ERAP1: variants seen among roughly 807,000 people sequenced by gnomAD.
ERAP1 encodes endoplasmic reticulum aminopeptidase 1.
A neutral mutation model predicts 103.7 loss-of-function variants in ERAP1; 86 were observed. The observed-to-expected ratio is 0.83, with a 90% CI of 0.70 to 0.99. The LOEUF (loss-of-function observed/expected upper bound fraction) is 0.99. Among genes scored for constraint, ERAP1 ranks in the 50% least tolerant of loss-of-function variants. ERAP1 has a pLI of 0.00. For synonymous variants in ERAP1, 398 were observed against 402.4 expected, an observed-to-expected ratio of 0.99 and a Z score of 0.13; for missense variants, 1,009 against 1,128.4, an observed-to-expected ratio of 0.89 and a Z score of 1.52.
At chr5:96,900,764 C>T in the ERAP1 span, among the ~76,000 whole-genome samples, 24 of 152,316 alleles carry the variant, frequency 1.6e-4, no homozygotes, top group South Asian at 3.9e-3. Flanking sequence ...GCAACCTCCA[C>T]CTCTCTGGTT....
At chr5:96,909,926 T>A in the ERAP1 span, 1 of 632,240 alleles carries the variant, frequency 1.6e-6, no homozygotes, top group Non-Finnish European at 2.7e-6. Flanking sequence ...AAGTGCTATG[T>A]ATGGAGACTA....
chr5:96,887,073 G>GTGTATA, the ERAP1 span, among the ~76,000 whole-genome samples: 29 of 87,162 alleles, frequency 3.3e-4, no homozygotes, highest in African/African-American at 1.2e-3. Flanking sequence ...AATTTTCAAA[G>GTGTATA]TATATATATA....
the ERAP1 span, among the ~76,000 whole-genome samples, chr5:96,835,608 A>G: frequency 6.6e-6 from 1 of 152,172 alleles, no homozygotes; most frequent in African/African-American, 2.4e-5. Context: ...TAATACCTCT[A>G]TGTGTTTGAT....
At chr5:96,874,122 G>C in the ERAP1 span, among the ~76,000 whole-genome samples, 1 of 113,554 alleles carries the variant, frequency 8.8e-6, no homozygotes. Context: ...AGGAAGGAAA[G>C]AAAGAAAGAG....
the ERAP1 span, among the ~76,000 whole-genome samples, chr5:96,851,370 G>A: frequency 6.6e-6 from 1 of 152,148 alleles, no homozygotes; most frequent in African/African-American, 2.4e-5. Context: ...GATGAGCAGA[G>A]ACATCACAAT....
At chr5:96,933,515 C>T in the ERAP1 span, among the ~76,000 whole-genome samples, 2 of 152,016 alleles carry the variant, frequency 1.3e-5, no homozygotes, top group Non-Finnish European at 2.9e-5. Context: ...GTCTCTTTGT[C>T]AAAGAAATCT....
At chr5:96,768,408 G>T in intron 19 of ERAP1, 1 of 456,634 alleles carries the variant, frequency 2.2e-6, no homozygotes, top group South Asian at 1.6e-5. Flanking sequence ...ACTGTAGAAT[G>T]AATCAAACGA....
In ERAP1 at chr5:96,797,500, A is replaced by C. The variant is rs1777476247; in HGVS notation, c.664-191T>G. On this transcript the variant is annotated intron_variant, in intron 3 of 18. Transcript: ENST00000443439. ...AGCAACATGGTGAAACCCTATCTCT[A>C]CAAAAAAAATACAAAAATTAGTCCT... is the stretch of plus-strand genomic sequence containing the variant. 3.3e-5 allele frequency among the ~76,000 whole-genome samples: 5 copies of C among 152,238 alleles called. No individual in the cohort carries two copies. The South Asian group carries it at 1.0e-3, about 32-fold the overall frequency.
the ERAP1 span, among the ~76,000 whole-genome samples, chr5:96,856,304 G>C: frequency 9.2e-6 from 1 of 109,218 alleles, no homozygotes; most frequent in Admixed American, 1.1e-4. Flanking sequence ...GGGTGACAGG[G>C]TGAGACTCCG....
At position 96,775,837 on chromosome 5, in the gene ERAP1, C is replaced by T. The variant is rs1193716528; in HGVS notation, c.*559G>A. The T allele has an allele frequency of 5.8e-5, 28 of 483,946 alleles. No homozygotes were observed. Among genetic ancestry groups the T allele is most frequent in the Middle Eastern group, 1.1e-3 (1 of 938 alleles). The allele number at this position is 483,946 out of a possible 1,614,324, so 30.0% of individuals were successfully genotyped here. Reference sequence around the variant, plus strand: ...TCCTCCGACCCCAGCTCCAGCTCTCCGGCTCCCCACTGACCAACATCCAAA... The same window carrying T: ...TCCTCCGACCCCAGCTCCAGCTCTCTGGCTCCCCACTGACCAACATCCAAA... On this transcript the variant is annotated 3_prime_UTR_variant, in exon 19 of 19. Transcript: ENST00000443439.
the ERAP1 span, among the ~76,000 whole-genome samples, chr5:96,870,071 G>T: frequency 2.0e-5 from 3 of 152,058 alleles, no homozygotes; most frequent in Non-Finnish European, 4.4e-5. Flanking sequence ...TTCCCCAGGG[G>T]CATTTGCAGA....
At chr5:96,910,276 A>T in the ERAP1 span, 1 of 151,920 alleles carries the variant, frequency 6.6e-6, no homozygotes. Context: ...AAAAAAAAAA[A>T]AAAACTTTTC....
chr5:96,881,508 T>C, the ERAP1 span: 1 of 455,702 alleles, frequency 2.2e-6, no homozygotes, highest in Non-Finnish European at 4.4e-6. Flanking sequence ...CAGTGCACTC[T>C]CACGTTATGT....
At chr5:96,885,039 G>A in the ERAP1 span, among the ~76,000 whole-genome samples, 3 of 152,152 alleles carry the variant, frequency 2.0e-5, no homozygotes, top group Non-Finnish European at 4.4e-5. Flanking sequence ...TAATCTACAT[G>A]GGTCACTCCA....
At chr5:96,857,892 A>C in the ERAP1 span, among the ~76,000 whole-genome samples, 2 of 152,224 alleles carry the variant, frequency 1.3e-5, no homozygotes, top group Non-Finnish European at 2.9e-5. Context: ...GGCAGATCCT[A>C]GGGGCAGGGT....
the ERAP1 span, chr5:96,814,075 A>G: frequency 2.6e-4 from 83 of 318,420 alleles, no homozygotes; most frequent in South Asian, 1.6e-3. Context: ...GTGGGTTGGT[A>G]GTTTCTGTGG....
the ERAP1 span, among the ~76,000 whole-genome samples, chr5:96,833,534 G>A: frequency 6.6e-6 from 1 of 152,104 alleles, no homozygotes; most frequent in African/African-American, 2.4e-5. Flanking sequence ...TCAAAATGTT[G>A]GTTCATTGAG....
chr5:96,825,150 T>C, the ERAP1 span, among the ~76,000 whole-genome samples: 3 of 152,364 alleles, frequency 2.0e-5, no homozygotes, highest in Middle Eastern at 6.8e-3. Context: ...TAAGCACTGC[T>C]TTCTCTGCAC....
chr5:96,762,449 A>T (rs1768347571), exon 20 of ERAP1: 3 of 1,004,470 alleles, frequency 3.0e-6, no homozygotes, highest in Admixed American at 5.7e-5. Flanking sequence ...CGCCTGTTTA[A>T]AGCAAATGAA....
Sources: gnomAD v4.1 joint callset for allele counts (sites outside exome capture counted in the v4.1 genomes callset) on GRCh38, gnomAD v4.1.1 for gene constraint, MANE v1.5 for transcripts, NCBI Gene and HGNC (gene_info 2026-07-23, HGNC 2026-07-21) for gene names.